PITRM1: variants seen among roughly 807,000 people sequenced by gnomAD.
PITRM1 encodes presequence protease, mitochondrial.
A neutral mutation model predicts 129.9 loss-of-function variants in PITRM1; 100 were observed. The observed-to-expected ratio is 0.77, with a 90% confidence interval of 0.65 to 0.91. The LOEUF (loss-of-function observed/expected upper bound fraction) is 0.91. Ranked by LOEUF, PITRM1 falls within the 40% of genes least tolerant of loss-of-function variation. PITRM1 has a pLI of 0.00. For synonymous variants in PITRM1, 591 were observed against 508.8 expected (o/e 1.16, Z -2.17); for missense variants, 1,471 against 1,318.3 (o/e 1.12, Z -1.79).
intron 14 of PITRM1, among the ~76,000 whole-genome samples, chr10:3,153,618 C>CA (rs34012124): frequency 0.071 from 9,801 of 137,166 alleles, 360 homozygotes; most frequent in Non-Finnish European, 0.093. Flanking sequence ...GACTCCGTCT[C>CA]AAAAAAAAAA....
At chr10:3,148,383 A>G in intron 16 of PITRM1, 92 bp from the exon 17 acceptor site, 1 of 1,466,636 alleles carries the variant, frequency 6.8e-7, no homozygotes, top group South Asian at 1.3e-5. Flanking sequence ...AGTTGCTTCC[A>G]TTAATTCAAT....
chr10:3,145,894 A>G (rs769886865), intron 20 of PITRM1, 178 bp from the exon 21 acceptor site: 6 of 598,724 alleles, frequency 1.0e-5, no homozygotes, highest in Non-Finnish European at 1.8e-5. Context: ...GCTTCAGGTT[A>G]TCAAGAGATT....
intron 14 of PITRM1, among the ~76,000 whole-genome samples, chr10:3,152,714 C>T (rs532911108): frequency 2.6e-5 from 4 of 152,360 alleles, no homozygotes; most frequent in East Asian, 1.9e-4. Flanking sequence ...TCACGCCACT[C>T]GGAGATTTTC....
At chr10:3,171,438 CACAGGG>C (rs1297734600) in intron 1 of PITRM1, among the ~76,000 whole-genome samples, 1 of 150,996 alleles carries the variant, frequency 6.6e-6, no homozygotes, top group Non-Finnish European at 1.5e-5. Context: ...TCAACTTGGT[CACAGGG>C]ACACTAATTT....
chr10:3,158,996 G>C lies in PITRM1; in HGVS notation c.1054C>G (p.Leu352Val). The part of the protein sequence containing the change: ...EAFTLSLLSS[L>V]LTSGPNSPFY... ...GGAGAATTGGGCCCAGAAGTCAAGA[G>C]TGAAGACAGAAGACTTAATGTGAAG... Residue 352 changes from leucine (L) to valine (V), a missense_variant, in exon 10 of 27, where the codon CTC (leucine) becomes GTC (valine). Leu to Val is a conservative substitution (Grantham distance 32, BLOSUM62 1). Transcript: ENST00000224949. The C allele has an allele frequency of 6.2e-7, 1 of 1,613,552 alleles. No homozygotes were observed. Among genetic ancestry groups the C allele is most frequent in the Non-Finnish European group, 8.5e-7 (1 of 1,179,604 alleles).
Position 3,158,901 on chromosome 10 carries a change from ATC to A in PITRM1, c.1136+11_1136+12del. ...CAATGAGAACTACTGATCTAATCTAATCATAAACTCACCCAACATCAGGAGAA... is the reference window on the plus strand; with the variant it reads ...CAATGAGAACTACTGATCTAATCTAAATAAACTCACCCAACATCAGGAGAA... On this transcript the variant is annotated intron_variant, in intron 10 of 26. Coordinates refer to ENST00000224949, the MANE Select transcript of PITRM1 (RefSeq NM_014889.4). 1 of 1,612,770 alleles carries A rather than the reference ATC, an allele frequency of 6.2e-7. No individual in the cohort carries two copies. Among genetic ancestry groups the A allele is most frequent in the South Asian group, 1.1e-5 (1 of 90,892 alleles).
At chr10:3,157,971 T>A (rs532902896) in intron 11 of PITRM1, 69 bp downstream of exon 11, 45 of 934,362 alleles carry the variant, frequency 4.8e-5, no homozygotes, top group Admixed American at 1.6e-4. Context: ...TGGATCAGGC[T>A]CAGCTTCTCC....
intron 6 of PITRM1, chr10:3,164,241 AG>A (rs1175285880): frequency 1.9e-5 from 3 of 156,444 alleles, no homozygotes; most frequent in Non-Finnish European, 4.2e-5. Flanking sequence ...CTTGAGTTCA[AG>A]AAGACTCCTT....
At position 3,138,301 on chromosome 10, in the gene PITRM1, A is replaced by G; in HGVS notation, c.2954T>C (p.Met985Thr). The change falls in exon 26 of 27, where the codon ATG becomes ACG. Residue 985 changes from methionine (M) to threonine (T), a missense_variant. By Grantham distance (81) the Met-to-Thr change is moderately conservative. Transcript: ENST00000224949. ...GAGCTGCTCTCTGTGGGCCTGCTTC[A>G]TCTCATCCGAGAGGCCGTACAAGAA... Reference protein sequence around the residue: ...DHFLYGLSDEMKQAHREQLFA... With the variant: ...DHFLYGLSDETKQAHREQLFA... 1.2e-6 allele frequency: 2 copies of G among 1,613,826 alleles called. No homozygotes were observed. Among genetic ancestry groups the G allele is most frequent in the Non-Finnish European group, 1.7e-6 (2 of 1,179,764 alleles).
chr10:3,169,933 C>T (rs1002037537), intron 2 of PITRM1, among the ~76,000 whole-genome samples, 171 bp downstream of exon 2: 4 of 152,238 alleles, frequency 2.6e-5, no homozygotes, highest in African/African-American at 9.6e-5. Context: ...GCTCATTTCA[C>T]TCACAAGCTC....
intron 7 of PITRM1, among the ~76,000 whole-genome samples, chr10:3,160,762 G>A (rs929723880): frequency 1.4e-5 from 2 of 145,700 alleles, no homozygotes; most frequent in African/African-American, 5.1e-5. Context: ...GGTTTTGGTG[G>A]GGGGTTTTTT....
chr10:3,140,663 T>C (rs755630663), intron 24 of PITRM1, 24 bp downstream of exon 24: 24 of 1,586,092 alleles, frequency 1.5e-5, no homozygotes, highest in Admixed American at 8.9e-5. Flanking sequence ...TGCATCCCAA[T>C]GTGTGAACTA....
rs1038397603 is a variant in PITRM1 at position 3,169,977 on chromosome 10, T to C, written c.159+127A>G. The stretch of plus-strand genomic sequence containing the variant: ...CGAGTAGCTGCCACACAGCAGGAGC[T>C]GGGCCAGGGCCTTGGGACACAAGGA... On this transcript the variant is annotated intron_variant, in intron 2 of 26. Transcript: ENST00000224949. 1.4e-4 allele frequency: 87 copies of C among 613,916 alleles called. 1 individual carries two copies. Among genetic ancestry groups the C allele is most frequent in the Non-Finnish European group, 2.9e-5 (10 of 344,130 alleles). The allele number at this position is 613,916 out of a possible 1,614,324, so 38.0% of individuals were successfully genotyped here. A position where few individuals can be genotyped will look rare whatever the true frequency, so the allele number is the denominator to read the frequency against.
chr10:3,139,023 T>C lies in PITRM1; in HGVS notation c.2798A>G (p.Gln933Arg). Residue 933 changes from glutamine to arginine, a missense_variant, in exon 25 of 27, where the codon CAG becomes CGG. By Grantham distance (43) the Gln-to-Arg change is conservative (BLOSUM62 1). Transcript: ENST00000224949. ...YRDPNTIETL[Q>R]SFGKAVDWAK... is the part of the protein sequence containing the mutation. ...CCAGTCGACAGCCTTCCCAAAAGAC[T>C]GGAGCGTCTCTATTGTATTTGGGTC... is the stretch of plus-strand genomic sequence containing the variant. The C allele has an allele frequency of 1.2e-6, 2 of 1,614,008 alleles. No individual in the cohort carries two copies. Among genetic ancestry groups the C allele is most frequent in the South Asian group, 1.1e-5 (1 of 91,080 alleles).
At position 3,168,915 on chromosome 10, in the gene PITRM1, T is replaced by TACAC. The variant is rs61366911; in HGVS notation, c.159+1185_159+1188dup. Among the ~76,000 whole-genome samples the TACAC allele has an allele frequency of 7.6e-4, 109 of 142,946 alleles. 2 individuals carry two copies. The highest frequency in any genetic ancestry group is 3.3e-3 in the Admixed American group (47 of 14,352). 93.8% of individuals were successfully genotyped at this position (142,946 alleles called of 152,430 possible). ...CAGTCTAGGCAACAAAGTTTCCATC[T>TACAC]ACACACACACACACACACACACACA... is the stretch of plus-strand genomic sequence containing the variant. On this transcript the variant is annotated intron_variant, in intron 2 of 26. Transcript: ENST00000224949.
In PITRM1 at chr10:3,140,796, G is replaced by T; in HGVS notation, c.2662C>A (p.Arg888Ser). 1 of 1,585,180 alleles carries T rather than the reference G, an allele frequency of 6.3e-7. No individual in the cohort carries two copies. Among genetic ancestry groups the T allele is most frequent in the Non-Finnish European group, 8.6e-7 (1 of 1,164,186 alleles). ...PDHASLKILA[R>S]LMTAKFLHTE... The stretch of plus-strand genomic sequence containing the variant: ...TGCAAGAATTTGGCAGTCATCAAAC[G>T]TGCAAGGATTTTAAGACTGAAATGA... The change falls in exon 24 of 27, where the codon CGT becomes AGT. Residue 888 changes from arginine to serine, a missense_variant. Transcript: ENST00000224949.
Position 3,159,877 on chromosome 10 carries a change from T to C in PITRM1, c.978A>G (p.Thr326=), listed in dbSNP as rs1750806361. The change falls in exon 9 of 27, where the codon ACA becomes ACG. Residue 326 remains threonine, a synonymous_variant. Coordinates refer to ENST00000224949, the MANE Select transcript of PITRM1 (RefSeq NM_014889.4). ...GTAAGAGGAAGCTAACGCTGATGGT[T>C]GTTTGTTTAGAGGGATCTGTAGCAA... The part of the protein sequence containing the change: ...DSFATDPSKQ[T]TISVSFLLPD... The C allele has an allele frequency of 1.9e-6, 3 of 1,605,076 alleles. No homozygotes were observed. The highest frequency in any genetic ancestry group is 2.6e-6 in the Non-Finnish European group (3 of 1,174,638).
At chr10:3,141,796 T>A (rs1279332136) in intron 23 of PITRM1, 6 of 357,660 alleles carry the variant, frequency 1.7e-5, no homozygotes, top group Non-Finnish European at 3.6e-5. Context: ...GGAGTGGGCG[T>A]GTTCCCAGGG....
intron 6 of PITRM1, among the ~76,000 whole-genome samples, chr10:3,164,677 T>C: frequency 6.6e-6 from 1 of 152,236 alleles, no homozygotes; most frequent in East Asian, 1.9e-4. Flanking sequence ...ATAATTTTTC[T>C]ATATTCTAAA....
Sources: allele counts gnomAD v4.1 joint callset (sites outside exome capture counted in the v4.1 genomes callset), GRCh38; gene constraint gnomAD v4.1.1; transcripts MANE v1.5; gene names NCBI Gene and HGNC (gene_info 2026-07-23, HGNC 2026-07-21).